Variants in AHRR observed in about 807,000 individuals in gnomAD.
The protein encoded by AHRR is ahR repressor.
A neutral mutation model predicts 44.0 loss-of-function variants in AHRR; 28 were observed. The ratio of observed to expected loss-of-function variants is 0.64; its 90% CI spans 0.47 to 0.87. The LOEUF is 0.87. AHRR is among the 40% of genes least tolerant of loss of function. The probability of loss-of-function intolerance (pLI) is 0.00; values close to 1 mark genes in which losing one functional copy is unlikely to be tolerated. For synonymous variants in AHRR, 434 were observed against 407.0 expected, an observed-to-expected ratio of 1.07 and a Z score of -0.80; for missense variants, 990 against 953.9, an observed-to-expected ratio of 1.04 and a Z score of -0.50.
In AHRR at chr5:370,943, G is replaced by A. The variant is rs1249778841; in HGVS notation, c.245-5667G>A. On this transcript the variant is annotated intron_variant, in intron 3 of 10. Coordinates refer to ENST00000684583, the MANE Select transcript of AHRR (RefSeq NM_001377236.1). This position sits in a 1 kb window ranked among gnomAD's most constrained non-coding sequence, Gnocchi z 4.5. ...TACAGGGCATGTCAGTTAGGGCTCTGCAGAAAAACAGAACCGACCGGAGAC... is the reference window on the plus strand; with the variant it reads ...TACAGGGCATGTCAGTTAGGGCTCTACAGAAAAACAGAACCGACCGGAGAC... Among the ~76,000 whole-genome samples the A allele has an allele frequency of 6.6e-6, 1 of 152,178 alleles. No homozygotes were observed. Among genetic ancestry groups the A allele is most frequent in the Non-Finnish European group, 1.5e-5 (1 of 68,020 alleles).
intron 3 of AHRR, among the ~76,000 whole-genome samples, chr5:356,483 AGG>A (rs1354458737): frequency 1.3e-5 from 2 of 150,294 alleles, no homozygotes. Flanking sequence ...CCGCGAGTGG[AGG>A]CCCTCAGTCA....
intron 5 of AHRR, among the ~76,000 whole-genome samples, chr5:421,751 T>C (rs978942518): frequency 2.0e-5 from 3 of 152,156 alleles, no homozygotes. Context: ...CTCCTTCTGC[T>C]CTCCTGAGGC....
At chr5:376,035 G>A in intron 3 of AHRR, among the ~76,000 whole-genome samples, 1 of 152,182 alleles carries the variant, frequency 6.6e-6, no homozygotes. Flanking sequence ...GCGGCCCCTG[G>A]GGGCGTGGGG....
At chr5:352,069 C>T (rs1187627417) in intron 2 of AHRR, among the ~76,000 whole-genome samples, 2 of 152,270 alleles carry the variant, frequency 1.3e-5, no homozygotes, top group Middle Eastern at 3.2e-3. Flanking sequence ...CCTGCTCAGT[C>T]TCCCCATGCA....
At chr5:422,404 T>C (rs1736167086) in intron 5 of AHRR, 4 of 380,672 alleles carry the variant, frequency 1.1e-5, no homozygotes, top group South Asian at 8.8e-5. Context: ...AGAGTCCAAG[T>C]CGACAGGAAA....
At position 342,561 on chromosome 5, in the gene AHRR, T is replaced by C. The variant is rs573737412; in HGVS notation, c.-10-1332T>C. Among the ~76,000 whole-genome samples the C allele has an allele frequency of 6.6e-6, 1 of 152,358 alleles. No homozygotes were observed. The highest frequency in any genetic ancestry group is 2.4e-5 in the African/African-American group (1 of 41,580). The stretch of plus-strand genomic sequence containing the variant: ...AGTCTTTACAGTCCAAGTGGATCCA[T>C]GACACATTTCTGACATTTTTATGGC... On this transcript the variant is annotated intron_variant, in intron 1 of 10. Coordinates refer to ENST00000684583, the MANE Select transcript of AHRR (RefSeq NM_001377236.1). This position sits in a 1 kb window ranked among gnomAD's most constrained non-coding sequence, Gnocchi z 4.3.
At position 434,953 on chromosome 5, in the gene AHRR, G is replaced by A. The variant is rs142207644; in HGVS notation, c.*119G>A. 48 of 1,352,634 alleles carry A rather than the reference G, an allele frequency of 3.5e-5. No homozygotes were observed. The highest frequency in any genetic ancestry group is 4.5e-5 in the Non-Finnish European group (46 of 1,016,824). 83.8% of individuals were successfully genotyped at this position (1,352,634 alleles called of 1,614,324 possible). ...CCTAAGACACACGCTTTGCAGAGCTGTGCATGCGCAGTCTGCTAGTGTGTG... is the reference window on the plus strand; with the variant it reads ...CCTAAGACACACGCTTTGCAGAGCTATGCATGCGCAGTCTGCTAGTGTGTG... On this transcript the variant is annotated 3_prime_UTR_variant, in exon 11 of 11. Transcript: ENST00000684583.
chr5:420,846 A>AGACCCACCCACGCAGCACGCC (rs1560919337), intron 5 of AHRR: 3 of 162,378 alleles, frequency 1.8e-5, no homozygotes, highest in African/African-American at 1.3e-4. Context: ...CGCAGCACGC[A>AGACCCACCCACGCAGCACGCC]CAGACCCACG....
At chr5:376,870 C>G (rs141445768) in intron 4 of AHRR, among the ~76,000 whole-genome samples, 154 bp downstream of exon 4, 1 of 152,128 alleles carries the variant, frequency 6.6e-6, no homozygotes, top group Admixed American at 6.5e-5. Flanking sequence ...AGCGTAGGCT[C>G]CAAAATCTGT....
At chr5:429,379 C>T (rs1003378868) in intron 8 of AHRR, among the ~76,000 whole-genome samples, 40 of 152,070 alleles carry the variant, frequency 2.6e-4, no homozygotes, top group African/African-American at 9.2e-4. Context: ...CGTGCAGGAC[C>T]CCTTCCCCGG....
intron 4 of AHRR, among the ~76,000 whole-genome samples, chr5:399,277 C>T (rs1442083268): frequency 1.3e-5 from 2 of 152,200 alleles, no homozygotes; most frequent in African/African-American, 2.4e-5. Flanking sequence ...ACCAGGACCC[C>T]GGCAGGATGG....
chr5:421,347 A>G (rs1736107588), intron 5 of AHRR: 2 of 685,958 alleles, frequency 2.9e-6, no homozygotes, highest in Non-Finnish European at 5.3e-6. Flanking sequence ...GCCGGTGGGT[A>G]TCATCCCTCC....
Position 423,863 on chromosome 5 carries a change from G to T in AHRR, c.594G>T (p.Arg198Ser), listed in dbSNP as rs756498094. The part of the protein sequence containing the change: ...LETGDDAILG[R>S]LLRAQEWGTG... ...CAGGAGATGATGCTATCCTGGGGAGGCTGCTCAGGGCCCAGGAGTGGGGCA... is the reference window on the plus strand; with the variant it reads ...CAGGAGATGATGCTATCCTGGGGAGTCTGCTCAGGGCCCAGGAGTGGGGCA... The change falls in exon 7 of 11, where the codon AGG becomes AGT. Residue 198 changes from arginine to serine, a missense_variant. Coordinates refer to ENST00000684583, the MANE Select transcript of AHRR (RefSeq NM_001377236.1). 6.2e-7 allele frequency: 1 copy of T among 1,605,416 alleles called. No homozygotes were observed. Among genetic ancestry groups the T allele is most frequent in the Admixed American group, 1.7e-5 (1 of 59,946 alleles).
At chr5:359,459 G>A (rs1323082607) in intron 3 of AHRR, among the ~76,000 whole-genome samples, 1 of 152,180 alleles carries the variant, frequency 6.6e-6, no homozygotes, top group Non-Finnish European at 1.5e-5. Flanking sequence ...CTATGCGTAG[G>A]GCCGGAGTGC....
rs756164524 is a variant in AHRR at position 427,782 on chromosome 5, T to G, written c.709-25T>G. On this transcript the variant is annotated intron_variant, in intron 7 of 10. Transcript: ENST00000684583. ...TGCCAGGCCACTTGGTGAACACGCC[T>G]TCCTCTCTGTCTTTAAAACACCAGA... 9 of 1,612,776 alleles carry G rather than the reference T, an allele frequency of 5.6e-6. No individual in the cohort carries two copies. In the East Asian group the frequency reaches 2.0e-4, roughly 36 times the overall value.
chr5:421,466 G>C, intron 5 of AHRR: 2 of 506,848 alleles, frequency 3.9e-6, no homozygotes, highest in Non-Finnish European at 7.0e-6. Flanking sequence ...GGCCTCATCT[G>C]GGTGGGGTCC....
chr5:374,628 G>A lies in AHRR; in HGVS notation c.245-1982G>A, dbSNP rs1454673029. Among the ~76,000 whole-genome samples, 3 of 152,198 alleles carry A rather than the reference G, an allele frequency of 2.0e-5. No homozygotes were observed. In the East Asian group the frequency reaches 5.8e-4, roughly 29 times the overall value. ...TTTTTACCAGCTATGGGAGTTGAGGGAGAAATGAGGGCTCAGAGACCAGGG... is the reference window on the plus strand; with the variant it reads ...TTTTTACCAGCTATGGGAGTTGAGGAAGAAATGAGGGCTCAGAGACCAGGG... On this transcript the variant is annotated intron_variant, in intron 3 of 10. Coordinates refer to ENST00000684583, the MANE Select transcript of AHRR (RefSeq NM_001377236.1).
At chr5:400,513 C>CT (rs11461030) in intron 4 of AHRR, among the ~76,000 whole-genome samples, 21,879 of 152,046 alleles carry the variant, frequency 0.14, 1,750 homozygotes, top group African/African-American at 0.18. Flanking sequence ...GAGCCAAATC[C>CT]TTTTTCCGTT....
intron 6 of AHRR, among the ~76,000 whole-genome samples, chr5:423,261 A>G (rs1364842816): frequency 6.6e-6 from 1 of 152,230 alleles, no homozygotes; most frequent in East Asian, 1.9e-4. Flanking sequence ...GATTGTTGCC[A>G]TTCAGAGTTG....
Sources: gnomAD v4.1 joint callset for allele counts (sites outside exome capture counted in the v4.1 genomes callset) on GRCh38, gnomAD v4.1.1 for gene constraint, Gnocchi (gnomAD v3.1) non-coding constraint, MANE v1.5 for transcripts, NCBI Gene and HGNC (gene_info 2026-07-23, HGNC 2026-07-21) for gene names.